Variants in ACOXL observed in about 807,000 individuals in gnomAD.
ACOXL encodes the protein acyl-coenzyme A oxidase-like protein.
ACOXL carries 70 observed loss-of-function variants against 71.9 expected under a neutral mutation model. The ratio of observed to expected loss-of-function variants is 0.97; its 90% confidence interval spans 0.80 to 1.19. ACOXL has a LOEUF of 1.19. Ranked by LOEUF, ACOXL falls within the 50% of genes most tolerant of loss-of-function variation. ACOXL has a pLI of 0.00. For synonymous variants in ACOXL, 253 were observed against 281.6 expected (o/e 0.90, Z 1.02); for missense variants, 703 against 736.3 (o/e 0.95, Z 0.52).
rs115363147 is a variant in ACOXL, at chr2:111,016,125, A to C, written c.1282-15502A>C. On this transcript the variant is annotated intron_variant, in intron 14 of 17. Transcript: ENST00000439055. Reference sequence around the variant, plus strand: ...TTTTTTTAATTTTTTTTTTTGAGTTAGGGTCTCACTGTATTGCCCAGGCTG... The same window carrying C: ...TTTTTTTAATTTTTTTTTTTGAGTTCGGGTCTCACTGTATTGCCCAGGCTG... Among the ~76,000 whole-genome samples, 159 of 147,076 alleles carry C rather than the reference A, an allele frequency of 1.1e-3. 1 individual carries two copies. Among genetic ancestry groups the C allele is most frequent in the African/African-American group, 3.9e-3 (153 of 39,036 alleles).
intron 10 of ACOXL, among the ~76,000 whole-genome samples, chr2:110,859,563 G>A (rs1693686770): frequency 6.6e-6 from 1 of 152,200 alleles, no homozygotes; most frequent in South Asian, 2.1e-4. Flanking sequence ...TGGGTGCCTA[G>A]GGAGAAGGGC....
At chr2:110,784,052 A>G (rs774080638) in intron 2 of ACOXL, among the ~76,000 whole-genome samples, 1 of 152,206 alleles carries the variant, frequency 6.6e-6, no homozygotes, top group Non-Finnish European at 1.5e-5. Context: ...TATGGTCTAT[A>G]GTTACAAAGT....
intron 1 of ACOXL, among the ~76,000 whole-genome samples, chr2:110,737,377 T>C (rs1676994519): frequency 6.6e-6 from 1 of 152,268 alleles, no homozygotes; most frequent in Admixed American, 6.5e-5. Context: ...TGTTTCTCAC[T>C]ACAGCACCAT....
chr2:110,787,817 G>A (rs902557691), intron 3 of ACOXL, among the ~76,000 whole-genome samples: 2 of 152,022 alleles, frequency 1.3e-5, no homozygotes, highest in African/African-American at 4.8e-5. Flanking sequence ...TCCAGCTAAC[G>A]TGTCCTTCCC....
At position 111,065,109 on chromosome 2, in the gene ACOXL, A is replaced by G. The variant is rs1574651288; in HGVS notation, c.1440+15821A>G. Among the ~76,000 whole-genome samples, 4 of 152,308 alleles carry G rather than the reference A, an allele frequency of 2.6e-5. No homozygotes were observed. In the South Asian group the frequency reaches 8.3e-4, roughly 32 times the overall value. ...AGTCTATCCAATTTTAAGACATATA[A>G]CTATAGTAATGAAGACTGTATGGTA... On this transcript the variant is annotated intron_variant, in intron 16 of 17. Transcript: ENST00000439055.
chr2:111,009,767 A>G (rs765268214), intron 14 of ACOXL, among the ~76,000 whole-genome samples: 24 of 152,164 alleles, frequency 1.6e-4, no homozygotes, highest in Non-Finnish European at 3.5e-4. Flanking sequence ...CCCACCACAC[A>G]GGAGTCAGAA....
At chr2:110,750,570 T>C (rs1037930134) in intron 1 of ACOXL, among the ~76,000 whole-genome samples, 1 of 148,836 alleles carries the variant, frequency 6.7e-6, no homozygotes, top group Admixed American at 6.7e-5. Context: ...TCCACTACTA[T>C]ATATATACAT....
intron 2 of ACOXL, among the ~76,000 whole-genome samples, chr2:110,774,254 C>T (rs893078914): frequency 1.3e-5 from 2 of 152,058 alleles, no homozygotes; most frequent in East Asian, 1.9e-4. Context: ...TTACCTGTCT[C>T]GATGGAGCTT....
At chr2:111,036,024 T>C (rs747734700) in intron 15 of ACOXL, among the ~76,000 whole-genome samples, 26 of 152,240 alleles carry the variant, frequency 1.7e-4, no homozygotes, top group Non-Finnish European at 2.6e-4. Flanking sequence ...CAGCCAGTAG[T>C]CCTGTGTGAA....
intron 10 of ACOXL, among the ~76,000 whole-genome samples, chr2:110,891,372 C>CT (rs1052470854): frequency 1.3e-5 from 2 of 151,868 alleles, no homozygotes; most frequent in African/African-American, 2.4e-5. Flanking sequence ...ATTTATAGAT[C>CT]TTTTTTTCCA....
intron 16 of ACOXL, among the ~76,000 whole-genome samples, chr2:111,070,902 C>G (rs1446430791): frequency 2.6e-5 from 4 of 152,170 alleles, no homozygotes; most frequent in Non-Finnish European, 2.9e-5. Flanking sequence ...AGCGCATGGC[C>G]CACCGTTGCC....
At chr2:110,839,255 G>A (rs1049438515) in intron 9 of ACOXL, among the ~76,000 whole-genome samples, 2 of 151,922 alleles carry the variant, frequency 1.3e-5, no homozygotes, top group African/African-American at 4.8e-5. Context: ...AAAATATTCA[G>A]TCAGTAAAAT....
chr2:111,068,013 T>A (rs1394308338), intron 16 of ACOXL, among the ~76,000 whole-genome samples: 3 of 151,982 alleles, frequency 2.0e-5, no homozygotes, highest in African/African-American at 7.2e-5. Context: ...GAATAAAAAA[T>A]CATGGGGTCC....
intron 10 of ACOXL, among the ~76,000 whole-genome samples, chr2:110,877,036 G>T (rs1046629480): frequency 2.0e-5 from 3 of 152,240 alleles, no homozygotes; most frequent in Non-Finnish European, 4.4e-5. Context: ...GGCTGTGCCT[G>T]GTGGTGGCCC....
At chr2:111,110,180 T>G (rs1449964466) in intron 17 of ACOXL, among the ~76,000 whole-genome samples, 1 of 152,198 alleles carries the variant, frequency 6.6e-6, no homozygotes. Context: ...TTTCTTTTGT[T>G]TATTTTCCTT....
rs60017192 is a variant in ACOXL, at chr2:110,915,336, T to TTA, written c.905+6445_905+6446dup. Among the ~76,000 whole-genome samples the TTA allele has an allele frequency of 9.3e-3, 1,221 of 130,750 alleles. 15 individuals carry two copies. The highest frequency in any genetic ancestry group is 0.022 in the African/African-American group (791 of 35,664). The allele number at this position is 130,750 out of a possible 152,430, so 85.8% of individuals were successfully genotyped here. A position where few individuals can be genotyped will look rare whatever the true frequency, so the allele number is the denominator to read the frequency against. On this transcript the variant is annotated intron_variant, in intron 11 of 17. Coordinates refer to ENST00000439055, the MANE Select transcript of ACOXL (RefSeq NM_001142807.4). The stretch of plus-strand genomic sequence containing the variant: ...TTTGAAATTTTTTGTTATATGCATT[T>TTA]TATATATATATATATGTGTGTGTGT...
chr2:110,799,184 A>G (rs1384335781), intron 7 of ACOXL, 84 bp downstream of exon 7: 2 of 1,380,940 alleles, frequency 1.4e-6, no homozygotes, highest in East Asian at 2.3e-5. Flanking sequence ...CCTACGTTAT[A>G]TTACCGAAGC....
chr2:110,854,637 A>G (rs947347164), intron 10 of ACOXL, among the ~76,000 whole-genome samples: 26 of 152,312 alleles, frequency 1.7e-4, no homozygotes, highest in Non-Finnish European at 2.4e-4. Flanking sequence ...GAGTAGGTTT[A>G]TGGAAGAGCA....
intron 12 of ACOXL, among the ~76,000 whole-genome samples, chr2:110,960,290 G>T (rs1243659213): frequency 6.6e-6 from 1 of 152,202 alleles, no homozygotes; most frequent in Non-Finnish European, 1.5e-5. Context: ...GGAGTGATGA[G>T]ATGTGAAAAG....
Sources: allele counts gnomAD v4.1 joint callset (sites outside exome capture counted in the v4.1 genomes callset), GRCh38; gene constraint gnomAD v4.1.1; transcripts MANE v1.5; gene names NCBI Gene and HGNC (gene_info 2026-07-23, HGNC 2026-07-21).